The following FBH1 variants were observed in gnomAD, a reference collection of about 807,000 sequenced individuals.
FBH1 encodes DNA 3'-5' helicase 1.
In FBH1, 43 loss-of-function variants were observed where a neutral mutation model predicts 115.5. The observed-to-expected ratio is 0.37, with a 90% confidence interval of 0.29 to 0.48. The LOEUF (loss-of-function observed/expected upper bound fraction) is 0.48. FBH1 is among the 20% of genes least tolerant of loss of function. FBH1 has a pLI of 0.99. For missense variants in FBH1, 1,001 were observed against 1,337.3 expected (o/e 0.75, Z 3.92); for synonymous variants, 524 against 507.8 (o/e 1.03, Z -0.43).
chr10:5,921,158 C>A lies in FBH1; in HGVS notation c.2101-100C>A. 1 of 1,134,392 alleles carries A rather than the reference C, an allele frequency of 8.8e-7. No homozygotes were observed. The highest frequency in any genetic ancestry group is 1.3e-6 in the Non-Finnish European group (1 of 777,472). 70.3% of individuals were successfully genotyped at this position (1,134,392 alleles called of 1,614,324 possible). A position where few individuals can be genotyped will look rare whatever the true frequency, so the allele number is the denominator to read the frequency against. On this transcript the variant is annotated intron_variant, in intron 13 of 20. Transcript: ENST00000362091. The surrounding 1 kb of genome is among the most constrained non-coding windows in gnomAD (Gnocchi z 6.4). ...TTTCCATGCGGGGGGTCAGGAACAA[C>A]TTGTAGGGTCTGGCCCGGCCAGGCT...
rs1415008458 is a variant in FBH1 at position 5,918,043 on chromosome 10, T to C, written c.1964-299T>C. On this transcript the variant is annotated intron_variant, in intron 12 of 20. Transcript: ENST00000362091. This position sits in a 1 kb window ranked among gnomAD's most constrained non-coding sequence, Gnocchi z 4.0. ...ATCCGTCTGACTTTGTAGGTCAATT[T>C]TGAGTGCTATAATATTAGAGAAGAC... 6.6e-6 allele frequency among the ~76,000 whole-genome samples: 1 copy of C among 151,606 alleles called. No homozygotes were observed. The highest frequency in any genetic ancestry group is 1.5e-5 in the Non-Finnish European group (1 of 67,842).
chr10:5,919,195 G>A (rs1010579312), intron 13 of FBH1, among the ~76,000 whole-genome samples: 1 of 152,148 alleles, frequency 6.6e-6, no homozygotes, highest in African/African-American at 2.4e-5. Context: ...CATCATATAA[G>A]AGGCTTTTGG....
chr10:5,903,347 T>C (rs1307989064), intron 2 of FBH1, among the ~76,000 whole-genome samples, 172 bp downstream of exon 2: 1 of 150,900 alleles, frequency 6.6e-6, no homozygotes, highest in Non-Finnish European at 1.5e-5. Context: ...TTTTTTTTTT[T>C]GAGACGGAGT....
At position 5,910,345 on chromosome 10, in the gene FBH1, C is replaced by T. The variant is rs1316975159; in HGVS notation, c.1021-593C>T. On this transcript the variant is annotated intron_variant, in intron 5 of 20. Coordinates refer to ENST00000362091, the MANE Select transcript of FBH1 (RefSeq NM_178150.3). The surrounding 1 kb of genome is among the most constrained non-coding windows in gnomAD (Gnocchi z 4.8). ...CTGTTTCTGTGTAAGCGAACATTTA[C>T]AGAGACATTGCTAAGAGGAGCATGC... Among the ~76,000 whole-genome samples, 2 of 151,988 alleles carry T rather than the reference C, an allele frequency of 1.3e-5. No homozygotes were observed. The highest frequency in any genetic ancestry group is 2.9e-5 in the Non-Finnish European group (2 of 68,014).
In FBH1 at chr10:5,917,801, A is replaced by G. The variant is rs1832063573; in HGVS notation, c.1963+125A>G. The G allele has an allele frequency of 3.7e-6, 3 of 809,036 alleles. No individual in the cohort carries two copies. The highest frequency in any genetic ancestry group is 1.7e-5 in the African/African-American group (1 of 58,394). The allele number at this position is 809,036 out of a possible 1,614,324, so 50.1% of individuals were successfully genotyped here. A position where few individuals can be genotyped will look rare whatever the true frequency, so the allele number is the denominator to read the frequency against. On this transcript the variant is annotated intron_variant, in intron 12 of 20. Transcript: ENST00000362091. This position sits in a 1 kb window ranked among gnomAD's most constrained non-coding sequence, Gnocchi z 5.6. Reference sequence around the variant, plus strand: ...TTGTGATAAAGAAGAGGATCTTCATACTTACCTTAGGATTTCAAGCTGCCC... The same window carrying G: ...TTGTGATAAAGAAGAGGATCTTCATGCTTACCTTAGGATTTCAAGCTGCCC...
chr10:5,904,241 C>G (rs1160146694), intron 2 of FBH1, among the ~76,000 whole-genome samples: 1 of 152,070 alleles, frequency 6.6e-6, no homozygotes, highest in East Asian at 1.9e-4. Flanking sequence ...CTACGTTGCC[C>G]AGGCTGGTCT....
chr10:5,923,912 C>G lies in FBH1; in HGVS notation c.2398+216C>G. Reference sequence around the variant, plus strand: ...ATCCTCCTCACAGGAGCCTCAGTCTCTTTCCAACACTGGTCCCATAGACTG... The same window carrying G: ...ATCCTCCTCACAGGAGCCTCAGTCTGTTTCCAACACTGGTCCCATAGACTG... On this transcript the variant is annotated intron_variant, in intron 16 of 20. Coordinates refer to ENST00000362091, the MANE Select transcript of FBH1 (RefSeq NM_178150.3). This position sits in a 1 kb window ranked among gnomAD's most constrained non-coding sequence, Gnocchi z 5.7. 1.7e-6 allele frequency: 1 copy of G among 585,176 alleles called. No individual in the cohort carries two copies. Among genetic ancestry groups the G allele is most frequent in the Non-Finnish European group, 3.0e-6 (1 of 330,816 alleles). The allele number at this position is 585,176 out of a possible 1,614,324, so 36.2% of individuals were successfully genotyped here. A position where few individuals can be genotyped will look rare whatever the true frequency, so the allele number is the denominator to read the frequency against.
At position 5,925,213 on chromosome 10, in the gene FBH1, C is replaced by T. The variant is rs11255971; in HGVS notation, c.2597-154C>T. 0.3 allele frequency: 263,144 copies of T among 881,750 alleles called. 43,480 individuals carry two copies. The highest frequency in any genetic ancestry group is 0.35 in the Middle Eastern group (1,110 of 3,132). The allele number at this position is 881,750 out of a possible 1,614,324, so 54.6% of individuals were successfully genotyped here. ...TCTGTTCCCGACAGTTGTCTGTTCC[C>T]GACAGTTGTTTCCTCTTTCCCCCTT... On this transcript the variant is annotated intron_variant, in intron 17 of 20. Transcript: ENST00000362091. The surrounding 1 kb of genome is among the most constrained non-coding windows in gnomAD (Gnocchi z 4.6).
chr10:5,910,788 A>C lies in FBH1; in HGVS notation c.1021-150A>C, dbSNP rs1433452068. On this transcript the variant is annotated intron_variant, in intron 5 of 20. Coordinates refer to ENST00000362091, the MANE Select transcript of FBH1 (RefSeq NM_178150.3). This position sits in a 1 kb window ranked among gnomAD's most constrained non-coding sequence, Gnocchi z 4.8. ...GAACAGAAGGGCTCCCCTGTTTCCCAAATACAACTTGGAAAGTTTGGATTC... is the reference window on the plus strand; with the variant it reads ...GAACAGAAGGGCTCCCCTGTTTCCCCAATACAACTTGGAAAGTTTGGATTC... 4.6e-6 allele frequency: 3 copies of C among 648,982 alleles called. No homozygotes were observed. In the Admixed American group the frequency reaches 9.2e-5, roughly 20 times the overall value. The allele number at this position is 648,982 out of a possible 1,614,324, so 40.2% of individuals were successfully genotyped here. A position where few individuals can be genotyped will look rare whatever the true frequency, so the allele number is the denominator to read the frequency against.
rs544587552 is a variant in FBH1, at chr10:5,910,352, A to G, written c.1021-586A>G. Among the ~76,000 whole-genome samples, 87 of 152,352 alleles carry G rather than the reference A, an allele frequency of 5.7e-4. No individual in the cohort carries two copies. The highest frequency in any genetic ancestry group is 2.0e-3 in the African/African-American group (85 of 41,590). ...TGTGTAAGCGAACATTTACAGAGACATTGCTAAGAGGAGCATGCTGTCTTC... is the reference window on the plus strand; with the variant it reads ...TGTGTAAGCGAACATTTACAGAGACGTTGCTAAGAGGAGCATGCTGTCTTC... On this transcript the variant is annotated intron_variant, in intron 5 of 20. Coordinates refer to ENST00000362091, the MANE Select transcript of FBH1 (RefSeq NM_178150.3). The surrounding 1 kb of genome is among the most constrained non-coding windows in gnomAD (Gnocchi z 4.8).
At position 5,936,421 on chromosome 10, in the gene FBH1, C is replaced by T. The variant is rs368763612; in HGVS notation, c.2830-35C>T. On this transcript the variant is annotated intron_variant, in intron 19 of 20. Coordinates refer to ENST00000362091, the MANE Select transcript of FBH1 (RefSeq NM_178150.3). This position sits in a 1 kb window ranked among gnomAD's most constrained non-coding sequence, Gnocchi z 5.6. ...TTCCAGTAGACCCTAACGGAGGTGT[C>T]GCCATGACTCTCTTTCTCGCTCTTT... 25 of 1,607,596 alleles carry T rather than the reference C, an allele frequency of 1.6e-5. No individual in the cohort carries two copies. The highest frequency in any genetic ancestry group is 1.8e-4 in the Middle Eastern group (1 of 5,544).
Position 5,921,373 on chromosome 10 carries a change from ACTCTT to A in FBH1, c.2200+22_2200+26del. The A allele has an allele frequency of 2.5e-6, 4 of 1,612,492 alleles. No homozygotes were observed. Among genetic ancestry groups the A allele is most frequent in the Non-Finnish European group, 3.4e-6 (4 of 1,179,588 alleles). ...AACCATCAGAGTAAGGCTTTTAGTT[ACTCTT>A]CTCTTTTGTGTTACAAAAGTTTTCC... On this transcript the variant is annotated intron_variant, in intron 14 of 20. Transcript: ENST00000362091. This position sits in a 1 kb window ranked among gnomAD's most constrained non-coding sequence, Gnocchi z 6.4.
intron 19 of FBH1, among the ~76,000 whole-genome samples, chr10:5,930,916 G>GTT: frequency 6.7e-6 from 1 of 148,508 alleles, no homozygotes; most frequent in South Asian, 2.1e-4. Flanking sequence ...CACCTGGCTG[G>GTT]TTTTTTTTTT....
chr10:5,890,364 C>G lies in FBH1; in HGVS notation c.1+18C>G, dbSNP rs773506049. 360 of 373,848 alleles carry G rather than the reference C, an allele frequency of 9.6e-4. 2 individuals carry two copies. Among genetic ancestry groups the G allele is most frequent in the Non-Finnish European group, 8.6e-4 (173 of 200,554 alleles). 23.2% of individuals were successfully genotyped at this position (373,848 alleles called of 1,614,324 possible). A position where few individuals can be genotyped will look rare whatever the true frequency, so the allele number is the denominator to read the frequency against. On this transcript the variant is annotated intron_variant, in intron 1 of 20. Coordinates refer to ENST00000362091, the MANE Select transcript of FBH1 (RefSeq NM_178150.3). ...GCGCCACAGTGCGTGAGGCCGCAGA[C>G]GTGGCAGGGAGTGTGGGAGGGGCTC...
rs368849611 is a variant in FBH1, at chr10:5,897,220, C to G, written c.2-5800C>G. On this transcript the variant is annotated intron_variant, in intron 1 of 20. Coordinates refer to ENST00000362091, the MANE Select transcript of FBH1 (RefSeq NM_178150.3). This position sits in a 1 kb window ranked among gnomAD's most constrained non-coding sequence, Gnocchi z 4.7. ...GTACTTACATATATATTGTCTCATTCTCTGAATTCAGCATGGCAGGTTATT... is the reference window on the plus strand; with the variant it reads ...GTACTTACATATATATTGTCTCATTGTCTGAATTCAGCATGGCAGGTTATT... Among the ~76,000 whole-genome samples the G allele has an allele frequency of 3.1e-3, 468 of 152,300 alleles. 1 individual carries two copies. The highest frequency in any genetic ancestry group is 0.011 in the African/African-American group (451 of 41,560).
chr10:5,924,186 T>C lies in FBH1; in HGVS notation c.2399-125T>C. 1 of 870,860 alleles carries C rather than the reference T, an allele frequency of 1.1e-6. No homozygotes were observed. 53.9% of individuals were successfully genotyped at this position (870,860 alleles called of 1,614,324 possible). On this transcript the variant is annotated intron_variant, in intron 16 of 20. Transcript: ENST00000362091. The surrounding 1 kb of genome is among the most constrained non-coding windows in gnomAD (Gnocchi z 6.2). ...AGCGAGTTAGTGATGCAGTCAGGCC[T>C]GGAACCCGGGTCTCCCCACTTTAAG...
Position 5,925,350 on chromosome 10 carries a change from C to T in FBH1, c.2597-17C>T. ...CCTTTGAAGCACCATCTAACGTGTG[C>T]TGTGTTTTTATCCTAGAGTACATTC... On this transcript the variant is annotated splice_polypyrimidine_tract_variant and intron_variant, in intron 17 of 20. Transcript: ENST00000362091. The surrounding 1 kb of genome is among the most constrained non-coding windows in gnomAD (Gnocchi z 4.6). The T allele has an allele frequency of 6.2e-7, 1 of 1,613,482 alleles. No individual in the cohort carries two copies. Among genetic ancestry groups the T allele is most frequent in the Non-Finnish European group, 8.5e-7 (1 of 1,179,760 alleles).
chr10:5,902,924 A>G (rs1843441747), intron 1 of FBH1, 96 bp from the exon 2 acceptor site: 4 of 1,218,868 alleles, frequency 3.3e-6, no homozygotes, highest in Non-Finnish European at 4.4e-6. Context: ...AAATCGTGTC[A>G]CTATGCAGAA....
rs2132163074 is a variant in FBH1 at position 5,936,199 on chromosome 10, AC to A, written c.2830-256del. ...CCAGAAATATTCTGGAAATGTCATT[AC>A]AGGCAATAGTTTTGCATGTTTATCT... On this transcript the variant is annotated intron_variant, in intron 19 of 20. Transcript: ENST00000362091. The surrounding 1 kb of genome is among the most constrained non-coding windows in gnomAD (Gnocchi z 5.6). The A allele has an allele frequency of 4.0e-6, 1 of 252,168 alleles. No individual in the cohort carries two copies. Among genetic ancestry groups the A allele is most frequent in the African/African-American group, 2.2e-5 (1 of 46,478 alleles). 15.6% of individuals were successfully genotyped at this position (252,168 alleles called of 1,614,324 possible).
Sources: allele counts gnomAD v4.1 joint callset (sites outside exome capture counted in the v4.1 genomes callset), GRCh38; gene constraint gnomAD v4.1.1; non-coding constraint Gnocchi (gnomAD v3.1); transcripts MANE v1.5; gene names NCBI Gene and HGNC (gene_info 2026-07-23, HGNC 2026-07-21).